The following SHROOM3 variants were observed in gnomAD, a reference collection of about 807,000 sequenced individuals.
SHROOM3 encodes the protein protein Shroom3.
Under a neutral mutation model 138.6 loss-of-function variants are expected in SHROOM3, and 47 were observed. The observed-to-expected ratio is 0.34, with a 90% CI of 0.27 to 0.43. The LOEUF (loss-of-function observed/expected upper bound fraction) is 0.43. Ranked by LOEUF, SHROOM3 falls within the 20% of genes least tolerant of loss-of-function variation. The probability of loss-of-function intolerance (pLI) is 1.00; values close to 1 mark genes in which losing one functional copy is unlikely to be tolerated. For synonymous variants in SHROOM3, 1,062 were observed against 1,063.3 expected (o/e 1.00, Z 0.02); for missense variants, 2,491 against 2,596.5 (o/e 0.96, Z 0.88).
At chr4:76,700,199 G>T (rs1719865197) in intron 2 of SHROOM3, among the ~76,000 whole-genome samples, 1 of 152,192 alleles carries the variant, frequency 6.6e-6, no homozygotes, top group South Asian at 2.1e-4. Context: ...CAGATCTGGA[G>T]TCAAATTCTT....
chr4:76,445,295 C>A (rs1299535575), intron 1 of SHROOM3, among the ~76,000 whole-genome samples: 1 of 152,012 alleles, frequency 6.6e-6, no homozygotes, highest in Non-Finnish European at 1.5e-5. Context: ...TTATTCCCTG[C>A]CATCATAGAG....
At chr4:76,663,764 AG>A (rs1718609497) in intron 2 of SHROOM3, among the ~76,000 whole-genome samples, 1 of 152,346 alleles carries the variant, frequency 6.6e-6, no homozygotes, top group South Asian at 2.1e-4. Context: ...CCAGATGTCC[AG>A]GATTTTTCTG....
intron 2 of SHROOM3, among the ~76,000 whole-genome samples, chr4:76,579,011 T>A (rs1185409076): frequency 2.6e-5 from 4 of 151,914 alleles, no homozygotes; most frequent in Non-Finnish European, 2.9e-5. Flanking sequence ...CAAAAAATTT[T>A]AAAAAATTTA....
chr4:76,534,584 A>G (rs1226147617), intron 1 of SHROOM3, among the ~76,000 whole-genome samples: 1 of 152,204 alleles, frequency 6.6e-6, no homozygotes, highest in Admixed American at 6.5e-5. Flanking sequence ...AAGAAATAAT[A>G]AGTTACCAGA....
chr4:76,600,819 G>A (rs1577910915), intron 2 of SHROOM3, among the ~76,000 whole-genome samples: 1 of 152,140 alleles, frequency 6.6e-6, no homozygotes, highest in East Asian at 1.9e-4. Flanking sequence ...CTGTAGAAAA[G>A]GGAGTGGTGA....
chr4:76,606,907 C>A (rs1734634951), intron 2 of SHROOM3, among the ~76,000 whole-genome samples: 1 of 152,080 alleles, frequency 6.6e-6, no homozygotes, highest in South Asian at 2.1e-4. Flanking sequence ...AAACTCTACT[C>A]TGACTCTGAC....
chr4:76,635,571 C>T (rs1408280064), intron 2 of SHROOM3, among the ~76,000 whole-genome samples: 1 of 152,210 alleles, frequency 6.6e-6, no homozygotes, highest in Admixed American at 6.5e-5. Context: ...CTCAGGGACT[C>T]TTCCAAAGAA....
chr4:76,677,240 C>T (rs1359320096), intron 2 of SHROOM3, among the ~76,000 whole-genome samples: 1 of 152,066 alleles, frequency 6.6e-6, no homozygotes, highest in African/African-American at 2.4e-5. Flanking sequence ...TTTCCTTTAC[C>T]TTCTAGGAGA....
chr4:76,685,477 G>A (rs1352568415), intron 2 of SHROOM3, among the ~76,000 whole-genome samples: 1 of 152,178 alleles, frequency 6.6e-6, no homozygotes, highest in Non-Finnish European at 1.5e-5. Context: ...CGGCCTGTAA[G>A]CTGAGGGTTG....
At chr4:76,738,305 C>T (rs1721135313) in intron 4 of SHROOM3, among the ~76,000 whole-genome samples, 1 of 152,206 alleles carries the variant, frequency 6.6e-6, no homozygotes, top group African/African-American at 2.4e-5. Context: ...AAAACATATA[C>T]ATGTGCACAC....
chr4:76,616,152 TA>T lies in SHROOM3; in HGVS notation c.323+60397del, dbSNP rs1021195617. 3.3e-5 allele frequency among the ~76,000 whole-genome samples: 5 copies of T among 152,078 alleles called. No individual in the cohort carries two copies. The East Asian group carries it at 9.6e-4, about 29-fold the overall frequency. ...GACAACACTTTGGTAGCAGATGTTC[TA>T]AAAAAAACATTGCAGCATCATACGG... is the stretch of plus-strand genomic sequence containing the variant. On this transcript the variant is annotated intron_variant, in intron 2 of 10. Coordinates refer to ENST00000296043, the MANE Select transcript of SHROOM3 (RefSeq NM_020859.4).
At chr4:76,646,869 C>T (rs1051816181) in intron 2 of SHROOM3, among the ~76,000 whole-genome samples, 2 of 152,026 alleles carry the variant, frequency 1.3e-5, no homozygotes, top group African/African-American at 4.8e-5. Flanking sequence ...GGCAATTTCT[C>T]GAAAAACTGA....
intron 4 of SHROOM3, among the ~76,000 whole-genome samples, chr4:76,734,977 C>A (rs528646993): frequency 6.6e-6 from 1 of 151,982 alleles, no homozygotes; most frequent in South Asian, 2.1e-4. Flanking sequence ...AAGAGCACTC[C>A]GGGTGGTGGG....
intron 9 of SHROOM3, among the ~76,000 whole-genome samples, chr4:76,764,493 C>G (rs1354416988): frequency 6.6e-6 from 1 of 152,252 alleles, no homozygotes; most frequent in Non-Finnish European, 1.5e-5. Flanking sequence ...AGTTCCAGCT[C>G]TCCCTCTGGT....
At chr4:76,627,929 A>G (rs898989531) in intron 2 of SHROOM3, among the ~76,000 whole-genome samples, 1 of 152,204 alleles carries the variant, frequency 6.6e-6, no homozygotes, top group South Asian at 2.1e-4. Context: ...ATTAGCCCCA[A>G]GTTAGTTCCT....
rs558788951 is a variant in SHROOM3, at chr4:76,680,914, T to C, written c.324-29242T>C. Among the ~76,000 whole-genome samples the C allele has an allele frequency of 2.0e-3, 305 of 152,364 alleles. 1 individual carries two copies. The highest frequency in any genetic ancestry group is 7.1e-3 in the African/African-American group (296 of 41,586). The stretch of plus-strand genomic sequence containing the variant: ...GCAAAGTCATTATGATCAAAATCAA[T>C]GAGCCCGGCACCTCCCATTCAATAT... On this transcript the variant is annotated intron_variant, in intron 2 of 10. Coordinates refer to ENST00000296043, the MANE Select transcript of SHROOM3 (RefSeq NM_020859.4).
At chr4:76,631,446 C>T (rs1231764464) in intron 2 of SHROOM3, among the ~76,000 whole-genome samples, 2 of 152,140 alleles carry the variant, frequency 1.3e-5, no homozygotes, top group African/African-American at 4.8e-5. Context: ...CTCCCAACCT[C>T]AGGTGATCCA....
At chr4:76,483,584 T>C (rs551590076) in intron 1 of SHROOM3, among the ~76,000 whole-genome samples, 1 of 152,354 alleles carries the variant, frequency 6.6e-6, no homozygotes, top group East Asian at 1.9e-4. Context: ...TAGAAGACAG[T>C]GTGGTGATTC....
intron 2 of SHROOM3, among the ~76,000 whole-genome samples, chr4:76,652,660 A>G (rs548572505): frequency 1.3e-5 from 2 of 152,164 alleles, no homozygotes; most frequent in African/African-American, 2.4e-5. Flanking sequence ...ACATTTCCTT[A>G]TGATCCCAGG....
Sources: gnomAD v4.1 joint callset for allele counts (sites outside exome capture counted in the v4.1 genomes callset) on GRCh38, gnomAD v4.1.1 for gene constraint, MANE v1.5 for transcripts, NCBI Gene and HGNC (gene_info 2026-07-23, HGNC 2026-07-21) for gene names.